Variants in RGS7 observed in about 807,000 individuals in gnomAD.
The protein encoded by RGS7 is regulator of G-protein signaling 7.
In RGS7, 27 loss-of-function variants were observed where a neutral mutation model predicts 81.1. The observed-to-expected ratio is 0.33, with a 90% CI of 0.25 to 0.46. The LOEUF (loss-of-function observed/expected upper bound fraction) is 0.46. Ranked by LOEUF, RGS7 falls within the 20% of genes least tolerant of loss-of-function variation. RGS7 has a pLI of 1.00. For missense variants in RGS7, 396 were observed against 607.4 expected (o/e 0.65, Z 3.66); for synonymous variants, 208 against 207.7 (o/e 1.00, Z -0.01).
intron 3 of RGS7, among the ~76,000 whole-genome samples, chr1:240,997,761 T>C (rs1357538198): frequency 6.6e-6 from 1 of 152,086 alleles, no homozygotes; most frequent in East Asian, 1.9e-4. Context: ...GAGACAGAGG[T>C]TGCAGTGAGC....
intron 6 of RGS7, among the ~76,000 whole-genome samples, chr1:240,921,028 T>C (rs891061352): frequency 1.3e-5 from 2 of 152,104 alleles, no homozygotes; most frequent in African/African-American, 4.8e-5. Flanking sequence ...GAAGTTAGAA[T>C]TCCTTCAGGG....
intron 2 of RGS7, among the ~76,000 whole-genome samples, chr1:241,188,884 G>A (rs977609324): frequency 6.6e-6 from 1 of 152,108 alleles, no homozygotes; most frequent in African/African-American, 2.4e-5. Flanking sequence ...TACTTTGAAG[G>A]CTTCGAAATT....
chr1:240,856,754 C>G (rs897285083), intron 9 of RGS7, among the ~76,000 whole-genome samples: 1 of 152,066 alleles, frequency 6.6e-6, no homozygotes, highest in Non-Finnish European at 1.5e-5. Context: ...TTGCATGTAT[C>G]AATTCTCATC....
chr1:241,094,344 G>A (rs1267851496), intron 3 of RGS7, among the ~76,000 whole-genome samples: 1 of 151,982 alleles, frequency 6.6e-6, no homozygotes, highest in African/African-American at 2.4e-5. Flanking sequence ...AGAGCTGTTA[G>A]TCAAATTCTA....
chr1:241,006,858 C>T (rs772446893), intron 3 of RGS7, among the ~76,000 whole-genome samples: 3 of 152,096 alleles, frequency 2.0e-5, no homozygotes, highest in Non-Finnish European at 4.4e-5. Flanking sequence ...AATAATGAAG[C>T]CCTTTATGAT....
chr1:241,232,265 C>A (rs1170114390), intron 2 of RGS7, among the ~76,000 whole-genome samples: 1 of 152,020 alleles, frequency 6.6e-6, no homozygotes, highest in Non-Finnish European at 1.5e-5. Flanking sequence ...TAGCTCACTG[C>A]ACCCTTGGAC....
chr1:240,981,426 G>A (rs570562976), intron 4 of RGS7, among the ~76,000 whole-genome samples: 1 of 152,120 alleles, frequency 6.6e-6, no homozygotes, highest in East Asian at 1.9e-4. Context: ...TTACCTTACA[G>A]AAATAATACT....
chr1:240,912,832 C>T (rs909693395), intron 6 of RGS7, among the ~76,000 whole-genome samples: 11 of 151,990 alleles, frequency 7.2e-5, no homozygotes, highest in Non-Finnish European at 5.9e-5. Context: ...TGTAAAGACA[C>T]GAAATAAAAC....
In RGS7 at chr1:241,144,926, G is replaced by GGTGTGTGTGTGTGTGTGTGTGT. The variant is rs58610723; in HGVS notation, c.79-46186_79-46165dup. ...TCAGTATGTGTTGGCAGGGCAGGAT[G>GGTGTGTGTGTGTGTGTGTGTGT]GTGTGTGTGTGTGTGTGTGTGTGTG... is the stretch of plus-strand genomic sequence containing the variant. On this transcript the variant is annotated intron_variant, in intron 2 of 18. Coordinates refer to ENST00000440928, the MANE Select transcript of RGS7 (RefSeq NM_001364886.1). This position sits in a 1 kb window ranked among gnomAD's most constrained non-coding sequence, Gnocchi z 4.7. Among the ~76,000 whole-genome samples the GGTGTGTGTGTGTGTGTGTGTGT allele has an allele frequency of 3.3e-3, 467 of 141,940 alleles. 4 individuals are homozygous for GGTGTGTGTGTGTGTGTGTGTGT. Among genetic ancestry groups the GGTGTGTGTGTGTGTGTGTGTGT allele is most frequent in the African/African-American group, 0.012 (437 of 37,394 alleles). 93.1% of individuals were successfully genotyped at this position (141,940 alleles called of 152,430 possible).
chr1:241,016,315 C>T (rs1318591856), intron 3 of RGS7, among the ~76,000 whole-genome samples: 4 of 152,208 alleles, frequency 2.6e-5, no homozygotes, highest in Non-Finnish European at 2.9e-5. Context: ...GTCAAGAGAA[C>T]AAGACCATCC....
chr1:241,211,702 T>A (rs2074253023), intron 2 of RGS7, among the ~76,000 whole-genome samples: 1 of 152,194 alleles, frequency 6.6e-6, no homozygotes, highest in Non-Finnish European at 1.5e-5. Context: ...GAAGTCTGTA[T>A]GTTTCATCAA....
At chr1:241,157,268 G>A (rs1253600980) in intron 2 of RGS7, among the ~76,000 whole-genome samples, 2 of 152,140 alleles carry the variant, frequency 1.3e-5, no homozygotes, top group Non-Finnish European at 2.9e-5. Context: ...CTTCTCCTTT[G>A]CTTCTACCTA....
chr1:241,004,950 T>C (rs2058607425), intron 3 of RGS7, among the ~76,000 whole-genome samples: 1 of 152,166 alleles, frequency 6.6e-6, no homozygotes, highest in Non-Finnish European at 1.5e-5. Context: ...GAGAAAAAGT[T>C]TGCTTCTGAG....
chr1:241,110,215 C>T (rs924569511), intron 2 of RGS7, among the ~76,000 whole-genome samples: 1 of 152,080 alleles, frequency 6.6e-6, no homozygotes, highest in African/African-American at 2.4e-5. Flanking sequence ...TTTACATTCC[C>T]TTTTTTCTTA....
At chr1:241,178,001 G>A (rs1051269733) in intron 2 of RGS7, among the ~76,000 whole-genome samples, 1 of 152,136 alleles carries the variant, frequency 6.6e-6, no homozygotes, top group African/African-American at 2.4e-5. Flanking sequence ...AGGAGTCTAG[G>A]ACAGGAAAGG....
rs187981317 is a variant in RGS7 at position 241,316,141 on chromosome 1, T to C, written c.78+39558A>G. On this transcript the variant is annotated intron_variant, in intron 2 of 18. Coordinates refer to ENST00000440928, the MANE Select transcript of RGS7 (RefSeq NM_001364886.1). ...AATCAATTCTTGAGCAGACACTAGC[T>C]GTCCTCCAGTACAGTCCTGCCACTA... is the stretch of plus-strand genomic sequence containing the variant. Among the ~76,000 whole-genome samples, 877 of 152,306 alleles carry C rather than the reference T, an allele frequency of 5.8e-3. 5 individuals are homozygous for C. The highest frequency in any genetic ancestry group is 0.019 in the African/African-American group (808 of 41,540).
rs1479954489 is a variant in RGS7 at position 240,870,086 on chromosome 1, T to C, written c.419A>G (p.Lys140Arg). ...VYLCKRTMQN[K>R]ARLELADYEA... Reference sequence around the variant, plus strand: ...ATAGTCTGCGAGCTCCAGTCGTGCCTTGTTTTGCATTGTTCTCTTGCAGAG... The same window carrying C: ...ATAGTCTGCGAGCTCCAGTCGTGCCCTGTTTTGCATTGTTCTCTTGCAGAG... The change falls in exon 7 of 19, where the codon AAG (lysine) becomes AGG (arginine). Residue 140 changes from lysine (K) to arginine (R), a missense_variant. Transcript: ENST00000440928. The C allele has an allele frequency of 1.2e-6, 2 of 1,614,174 alleles. No homozygotes were observed. Among genetic ancestry groups the C allele is most frequent in the East Asian group, 4.5e-5 (2 of 44,876 alleles).
chr1:241,057,162 T>A (rs1016364471), intron 3 of RGS7, among the ~76,000 whole-genome samples: 2 of 152,146 alleles, frequency 1.3e-5, no homozygotes, highest in Non-Finnish European at 2.9e-5. Flanking sequence ...ATTATGTATG[T>A]CGTATGAGTA....
intron 2 of RGS7, among the ~76,000 whole-genome samples, chr1:241,297,403 T>C (rs550115159): frequency 2.0e-5 from 3 of 152,364 alleles, no homozygotes; most frequent in South Asian, 4.1e-4. Context: ...TAATGAGATA[T>C]AGGAATATAA....
Sources: gnomAD v4.1 joint callset for allele counts (sites outside exome capture counted in the v4.1 genomes callset) on GRCh38, gnomAD v4.1.1 for gene constraint, Gnocchi (gnomAD v3.1) non-coding constraint, MANE v1.5 for transcripts, NCBI Gene and HGNC (gene_info 2026-07-23, HGNC 2026-07-21) for gene names.